OVCH2: variants seen among roughly 807,000 people sequenced by gnomAD.
OVCH2 encodes ovochymase 2, also known as ovochymase-2.
OVCH2 carries 88 observed loss-of-function variants against 73.7 expected under a neutral mutation model. That is an observed-to-expected ratio of 1.19 (90% CI 1.01 to 1.43). The LOEUF (loss-of-function observed/expected upper bound fraction) is 1.43. OVCH2 is among the 40% of genes most tolerant of loss of function. The pLI is 0.00. For missense variants in OVCH2, 706 were observed against 674.5 expected (o/e 1.05, Z -0.52); for synonymous variants, 265 against 234.5 (o/e 1.13, Z -1.19).
In OVCH2 at chr11:7,698,774, C is replaced by T. The variant is rs1297429357; in HGVS notation, c.902-1G>A. ...CCTCTGGAGCTCTTTCTCCGATTACCTGGGAAAGGAAAAGAAGGATGCAAT... is the reference window on the plus strand; with the variant it reads ...CCTCTGGAGCTCTTTCTCCGATTACTTGGGAAAGGAAAAGAAGGATGCAAT... On this transcript the variant is annotated splice_acceptor_variant, in intron 7 of 15. Transcript: ENST00000533663. LOFTEE classifies it high-confidence loss of function. 4 of 1,612,704 alleles carry T rather than the reference C, an allele frequency of 2.5e-6. No individual in the cohort carries two copies. The highest frequency in any genetic ancestry group is 3.4e-6 in the Non-Finnish European group (4 of 1,179,464).
At chr11:7,687,891 G>A (rs1856160160), downstream of OVCH2, among the ~76,000 whole-genome samples, 1 of 152,018 alleles carries the variant, frequency 6.6e-6, no homozygotes, top group African/African-American at 2.4e-5. Flanking sequence ...CCTCACAAAG[G>A]GGAGAGTAGA....
intron 8 of OVCH2, among the ~76,000 whole-genome samples, chr11:7,697,729 T>C (rs1856363916): frequency 6.6e-6 from 1 of 152,220 alleles, no homozygotes; most frequent in Admixed American, 6.5e-5. Flanking sequence ...TATTCCTTCC[T>C]TTTCATTCTG....
rs770142964 is a variant in OVCH2, at chr11:7,700,284, T to C, written c.901+12A>G. 26 of 1,612,174 alleles carry C rather than the reference T, an allele frequency of 1.6e-5. No homozygotes were observed. Among genetic ancestry groups the C allele is most frequent in the African/African-American group, 2.7e-5 (2 of 74,912 alleles). On this transcript the variant is annotated intron_variant, in intron 7 of 15. Coordinates refer to ENST00000533663, the MANE Select transcript of OVCH2 (RefSeq NM_198185.7). ...ATGGCAGCTTCTTAACCTTGTGTGA[T>C]GGCTTAGTTACCAGTTTGGATGTGT...
the OVCH2 span, among the ~76,000 whole-genome samples, chr11:7,678,960 T>A: frequency 3.3e-5 from 5 of 152,234 alleles, no homozygotes; most frequent in African/African-American, 9.6e-5. Flanking sequence ...ACATTTTTTT[T>A]AAATGAATGT....
chr11:7,699,336 A>G (rs772171221), intron 7 of OVCH2: 2 of 152,486 alleles, frequency 1.3e-5, no homozygotes, highest in African/African-American at 2.4e-5. Context: ...TCATCCCTCA[A>G]TATCTGTGGG....
intron 10 of OVCH2, among the ~76,000 whole-genome samples, chr11:7,696,114 A>G (rs1444419303): frequency 6.6e-6 from 1 of 152,156 alleles, no homozygotes; most frequent in Admixed American, 6.5e-5. Flanking sequence ...TCTTAGCTTG[A>G]TGAGGCAGGG....
intron 4 of OVCH2, 128 bp from the exon 5 acceptor site, chr11:7,701,939 C>T: frequency 1.2e-6 from 1 of 849,904 alleles, no homozygotes; most frequent in Non-Finnish European, 1.8e-6. Flanking sequence ...TGCCTGGCAC[C>T]TCCAGGGGTT....
Position 7,700,480 on chromosome 11 carries a change from A to T in OVCH2, c.717T>A (p.Asp239Glu). 1 of 1,601,446 alleles carries T rather than the reference A, an allele frequency of 6.2e-7. No individual in the cohort carries two copies. The highest frequency in any genetic ancestry group is 1.1e-5 in the South Asian group (1 of 88,698). ...TCCGGCACATGAGTGAACCTCCTGA[A>T]TCTCCCTGCAGAGGGAAAAAGCCTC... ...PDGGRDACQGDSGGSLMCRNK... is the reference protein window; with the variant it reads ...PDGGRDACQGESGGSLMCRNK... The change falls in exon 7 of 16, where the codon GAT becomes GAA. Residue 239 changes from aspartate to glutamate, a missense_variant. Transcript: ENST00000533663.
downstream of OVCH2, among the ~76,000 whole-genome samples, chr11:7,688,053 G>A (rs943847956): frequency 2.0e-5 from 3 of 152,056 alleles, no homozygotes; most frequent in African/African-American, 7.2e-5. Context: ...AATTTGGTGG[G>A]AGCGCAAACA....
downstream of OVCH2, among the ~76,000 whole-genome samples, chr11:7,684,884 A>G (rs193072436): frequency 2.6e-5 from 4 of 152,270 alleles, no homozygotes; most frequent in East Asian, 1.9e-4. Context: ...TTAAGGGGGA[A>G]ATTCTGAGAA....
Position 7,704,714 on chromosome 11 carries a change from T to C in OVCH2, c.89-40A>G, listed in dbSNP as rs1433431388. 2.2e-6 allele frequency: 3 copies of C among 1,389,818 alleles called. No individual in the cohort carries two copies. The Admixed American group carries it at 5.5e-5, about 26-fold the overall frequency. 86.1% of individuals were successfully genotyped at this position (1,389,818 alleles called of 1,614,324 possible). A position where few individuals can be genotyped will look rare whatever the true frequency, so the allele number is the denominator to read the frequency against. On this transcript the variant is annotated intron_variant, in intron 1 of 15. Coordinates refer to ENST00000533663, the MANE Select transcript of OVCH2 (RefSeq NM_198185.7). ...AGACAAACTAAATGATTAGATAGCT[T>C]CTAGGATTGAGGTAATATCTTCTCC... is the stretch of plus-strand genomic sequence containing the variant.
chr11:7,691,258 T>C lies in OVCH2; in HGVS notation c.1639+11A>G, dbSNP rs116606643. 7.6e-4 allele frequency: 1,212 copies of C among 1,598,830 alleles called. 5 individuals carry two copies. The African/African-American group carries it at 0.014, about 18-fold the overall frequency. Reference sequence around the variant, plus strand: ...CTGGGAACCAAAGAGTTGGTAACTCTATCTTCTTACCTGCTTTAGGAATGA... The same window carrying C: ...CTGGGAACCAAAGAGTTGGTAACTCCATCTTCTTACCTGCTTTAGGAATGA... On this transcript the variant is annotated intron_variant, in intron 14 of 15. Coordinates refer to ENST00000533663, the MANE Select transcript of OVCH2 (RefSeq NM_198185.7).
chr11:7,685,459 A>G (rs1298447309), downstream of OVCH2, among the ~76,000 whole-genome samples: 1 of 152,200 alleles, frequency 6.6e-6, no homozygotes, highest in East Asian at 1.9e-4. Flanking sequence ...TACCTTCCAC[A>G]CCTAGGAAAA....
At chr11:7,705,694 T>A (rs972395155) in intron 1 of OVCH2, 1 of 152,194 alleles carries the variant, frequency 6.6e-6, no homozygotes, top group Non-Finnish European at 1.5e-5. Flanking sequence ...CAGGATGACA[T>A]TGGAACAAAA....
rs760950870 is a variant in OVCH2 at position 7,695,095 on chromosome 11, TCA to T, written c.1374_1375del (p.Cys458Ter). Reference sequence around the variant, plus strand: ...ATGTTTGGAGGCTTGAAAAATCCAGTCACAGTTAGCCTTGTCACTGTAGTTTT... The same window carrying T: ...ATGTTTGGAGGCTTGAAAAATCCAGTCAGTTAGCCTTGTCACTGTAGTTTT... On this transcript the variant is annotated stop_gained and frameshift_variant, in exon 12 of 16. Coordinates refer to ENST00000533663, the MANE Select transcript of OVCH2 (RefSeq NM_198185.7). LOFTEE classifies it high-confidence loss of function. 4.5e-6 allele frequency: 7 copies of T among 1,551,494 alleles called. No homozygotes were observed. In the South Asian group the frequency reaches 4.8e-5, roughly 11 times the overall value.
At chr11:7,703,911 G>A (rs930882816) in intron 2 of OVCH2, 122 bp from the exon 3 acceptor site, 2 of 795,884 alleles carry the variant, frequency 2.5e-6, no homozygotes, top group African/African-American at 3.4e-5. Context: ...AAGAATCGTG[G>A]ACTGTGAAAA....
Position 7,689,931 on chromosome 11 carries a change from A to T in OVCH2, c.*24T>A. On this transcript the variant is annotated 3_prime_UTR_variant, in exon 15 of 16. Transcript: ENST00000533663. ...GTCCCCAAAACAGCTTACCAGAAAC[A>T]TTGGTTTCTCCATTTGGCACATCTC... The T allele has an allele frequency of 2.7e-6, 4 of 1,495,870 alleles. No individual in the cohort carries two copies. The highest frequency in any genetic ancestry group is 3.6e-6 in the Non-Finnish European group (4 of 1,110,456). The allele number at this position is 1,495,870 out of a possible 1,614,324, so 92.7% of individuals were successfully genotyped here.
intron 8 of OVCH2, 77 bp downstream of exon 8, chr11:7,698,673 G>T: frequency 7.4e-6 from 11 of 1,487,818 alleles, no homozygotes; most frequent in South Asian, 1.2e-5. Flanking sequence ...TGGAGAGGAA[G>T]ACTTCAGGAA....
At chr11:7,706,240 G>C in intron 1 of OVCH2, 67 bp downstream of exon 1, 1 of 1,413,134 alleles carries the variant, frequency 7.1e-7, no homozygotes, top group Non-Finnish European at 9.7e-7. Context: ...TGGAGTCTCG[G>C]AGTTGTGACG....
Sources: allele counts gnomAD v4.1 joint callset (sites outside exome capture counted in the v4.1 genomes callset), GRCh38; gene constraint gnomAD v4.1.1; transcripts MANE v1.5; gene names NCBI Gene and HGNC (gene_info 2026-07-23, HGNC 2026-07-21).